GRAP2: variants seen among roughly 807,000 people sequenced by gnomAD.
GRAP2 encodes GRB2-related adapter protein 2.
Under a neutral mutation model 43.5 loss-of-function variants are expected in GRAP2, and 31 were observed. That is an observed-to-expected ratio of 0.71 (90% confidence interval 0.54 to 0.96). The LOEUF is 0.96. Ranked by LOEUF, GRAP2 falls within the 40% of genes least tolerant of loss-of-function variation. The pLI, the probability that GRAP2 is intolerant of heterozygous loss-of-function variation, is 0.00. For synonymous variants in GRAP2, 156 were observed against 164.8 expected, an observed-to-expected ratio of 0.95 and a Z score of 0.41; for missense variants, 371 against 424.4, an observed-to-expected ratio of 0.87 and a Z score of 1.11.
chr22:39,969,416 C>T lies in GRAP2; in HGVS notation c.696C>T (p.Arg232=). The change falls in exon 7 of 8, where the codon CGC becomes CGT. Residue 232 remains arginine, a synonymous_variant. Transcript: ENST00000344138. The part of the protein sequence containing the change: ...YLQHHHFHQE[R]RGGSLDINDG... ...CTTCTGTTGTATGTTTCTAGGAACG[C>T]CGAGGAGGCAGCCTTGACATAAATG... 1 of 1,613,804 alleles carries T rather than the reference C, an allele frequency of 6.2e-7. No individual in the cohort carries two copies. Among genetic ancestry groups the T allele is most frequent in the Non-Finnish European group, 8.5e-7 (1 of 1,179,834 alleles).
chr22:39,898,693 A>G (rs1341420877), upstream of GRAP2, among the ~76,000 whole-genome samples: 2 of 152,094 alleles, frequency 1.3e-5, no homozygotes, highest in African/African-American at 2.4e-5. Context: ...GGTGCCTGCA[A>G]TCCCAGCTAC....
intron 1 of GRAP2, among the ~76,000 whole-genome samples, chr22:39,919,202 AGTG>A (rs1736004676): frequency 2.0e-5 from 3 of 152,258 alleles, no homozygotes; most frequent in Non-Finnish European, 4.4e-5. Flanking sequence ...TTACCCCAAA[AGTG>A]GTGATTTTAT....
intron 2 of GRAP2, among the ~76,000 whole-genome samples, chr22:39,951,752 G>A (rs1443031007): frequency 1.3e-5 from 2 of 152,120 alleles, no homozygotes; most frequent in African/African-American, 2.4e-5. Context: ...ACAACGGCAG[G>A]AGGAAACCAT....
chr22:39,948,833 G>A (rs1419695430), intron 2 of GRAP2, among the ~76,000 whole-genome samples: 1 of 152,106 alleles, frequency 6.6e-6, no homozygotes, highest in Admixed American at 6.5e-5. Context: ...CACCCTCTCC[G>A]GGTTCTTCTC....
At chr22:39,942,221 T>C (rs185618864) in intron 1 of GRAP2, among the ~76,000 whole-genome samples, 11 of 152,282 alleles carry the variant, frequency 7.2e-5, no homozygotes, top group Non-Finnish European at 1.5e-4. Flanking sequence ...CCTGGCAGTA[T>C]AAGGTTTCCT....
At position 39,928,065 on chromosome 22, in the gene GRAP2, A is replaced by G. The variant is rs188579268; in HGVS notation, c.-14-19028A>G. Among the ~76,000 whole-genome samples, 6 of 151,978 alleles carry G rather than the reference A, an allele frequency of 3.9e-5. No homozygotes were observed. The East Asian group carries it at 1.2e-3, about 29-fold the overall frequency. Reference sequence around the variant, plus strand: ...CATGTTCCTGCCTCTTTCTGCGACCATTTTCCTCCTTCGGCTGCTCAGAAA... The same window carrying G: ...CATGTTCCTGCCTCTTTCTGCGACCGTTTTCCTCCTTCGGCTGCTCAGAAA... On this transcript the variant is annotated intron_variant, in intron 1 of 7. Transcript: ENST00000344138.
rs2066491012 is a variant in GRAP2 at position 39,901,288 on chromosome 22, T to C, written c.-57T>C. 1 of 1,282,536 alleles carries C rather than the reference T, an allele frequency of 7.8e-7. No individual in the cohort carries two copies. The highest frequency in any genetic ancestry group is 1.0e-6 in the Non-Finnish European group (1 of 982,704). The allele number at this position is 1,282,536 out of a possible 1,614,324, so 79.4% of individuals were successfully genotyped here. A position where few individuals can be genotyped will look rare whatever the true frequency, so the allele number is the denominator to read the frequency against. On this transcript the variant is annotated 5_prime_UTR_variant, in exon 1 of 8. Transcript: ENST00000344138. ...GCCAGAAAGGATTCTAATAACTCGGTGTCAAAGCCAAGACATAAACTCAAC... is the reference window on the plus strand; with the variant it reads ...GCCAGAAAGGATTCTAATAACTCGGCGTCAAAGCCAAGACATAAACTCAAC...
chr22:39,907,404 CTG>C, intron 1 of GRAP2, among the ~76,000 whole-genome samples: 1 of 152,170 alleles, frequency 6.6e-6, no homozygotes, highest in African/African-American at 2.4e-5. Flanking sequence ...CCCATATATC[CTG>C]AATAGGAAAA....
intron 4 of GRAP2, chr22:39,964,374 C>T: frequency 2.7e-6 from 2 of 731,668 alleles, no homozygotes; most frequent in Non-Finnish European, 4.9e-6. Flanking sequence ...CGGCAGGCGC[C>T]ATGTCCAGCC....
At position 39,955,870 on chromosome 22, in the gene GRAP2, G is replaced by T; in HGVS notation, c.130G>T (p.Gly44Ter). 1 of 1,589,426 alleles carries T rather than the reference G, an allele frequency of 6.3e-7. No individual in the cohort carries two copies. Among genetic ancestry groups the T allele is most frequent in the South Asian group, 1.1e-5 (1 of 90,628 alleles). Residue 44 changes from glycine to a stop codon, truncating the protein, a stop_gained, in exon 3 of 8, where the codon GGA becomes TGA. Transcript: ENST00000344138. LOFTEE classifies it high-confidence loss of function. Reference sequence around the variant, plus strand: ...TAAGGCGGAGCTTGGGAGCCAGGAAGGATATGTGCCCAAGAATTTCATAGA... The same window carrying T: ...TAAGGCGGAGCTTGGGAGCCAGGAATGATATGTGCCCAAGAATTTCATAGA... The part of the protein sequence containing the change: ...WFKAELGSQE[G>*]YVPKNFIDIQ...
intron 4 of GRAP2, among the ~76,000 whole-genome samples, chr22:39,962,298 T>C (rs1353654057): frequency 6.6e-6 from 1 of 151,880 alleles, no homozygotes; most frequent in Non-Finnish European, 1.5e-5. Flanking sequence ...GGCGCATGCC[T>C]GTGGTCCCAA....
intron 1 of GRAP2, among the ~76,000 whole-genome samples, chr22:39,932,606 T>C (rs976792616): frequency 1.4e-5 from 2 of 142,196 alleles, no homozygotes; most frequent in African/African-American, 5.3e-5. Flanking sequence ...TAGTCCCAGC[T>C]ATTTGGGAGG....
chr22:39,929,442 A>C (rs559821748), intron 1 of GRAP2, among the ~76,000 whole-genome samples: 1 of 152,356 alleles, frequency 6.6e-6, no homozygotes, highest in South Asian at 2.1e-4. Context: ...GTGGAAGAGA[A>C]GAAAGATAAT....
At position 39,968,235 on chromosome 22, in the gene GRAP2, C is replaced by A; in HGVS notation, c.653C>A (p.Pro218Gln). 2 of 1,603,108 alleles carry A rather than the reference C, an allele frequency of 1.2e-6. No individual in the cohort carries two copies. Among genetic ancestry groups the A allele is most frequent in the African/African-American group, 1.3e-5 (1 of 74,782 alleles). The change falls in exon 6 of 8, where the codon CCA (proline) becomes CAA (glutamine). Residue 218 changes from proline (P) to glutamine (Q), a missense_variant. Transcript: ENST00000344138. ...APAPQQLQQP[P>Q]QQRYLQHHHF... ...GCGCCCCAGCAGCTGCAGCAGCCCC[C>A]ACAGCAGCGATATCTGCAGCACCAC...
intron 1 of GRAP2, among the ~76,000 whole-genome samples, chr22:39,944,008 G>C (rs893927003): frequency 3.9e-5 from 6 of 152,060 alleles, no homozygotes; most frequent in Non-Finnish European, 8.8e-5. Flanking sequence ...CCTGGCCGAG[G>C]GGTCTCTCTT....
chr22:39,923,776 A>G (rs1168135176), intron 1 of GRAP2, among the ~76,000 whole-genome samples: 1 of 152,232 alleles, frequency 6.6e-6, no homozygotes, highest in African/African-American at 2.4e-5. Context: ...TTTAAAAGCT[A>G]CTTTTCTCCC....
At chr22:39,898,489 A>G (rs1001880623), upstream of GRAP2, among the ~76,000 whole-genome samples, 9 of 152,208 alleles carry the variant, frequency 5.9e-5, no homozygotes, top group African/African-American at 1.9e-4. Context: ...ATTTTACCAT[A>G]AAGTTAAATT....
Position 39,966,017 on chromosome 22 carries a change from G to A in GRAP2, c.318G>A (p.Lys106=), listed in dbSNP as rs745674279. 18 of 1,614,000 alleles carry A rather than the reference G, an allele frequency of 1.1e-5. No homozygotes were observed. Among genetic ancestry groups the A allele is most frequent in the Non-Finnish European group, 1.4e-5 (17 of 1,179,978 alleles). ...VRHEDDVQHF[K]VMRDNKGNYF... is the part of the protein sequence containing the mutation. ...ATGAGGATGACGTTCAACACTTCAA[G>A]GTCATGCGAGACAACAAGGGTAATT... Residue 106 remains lysine, a synonymous_variant, in exon 5 of 8, where the codon AAG becomes AAA. Transcript: ENST00000344138.
chr22:39,920,160 G>C (rs966325221), intron 1 of GRAP2, among the ~76,000 whole-genome samples: 6 of 152,186 alleles, frequency 3.9e-5, no homozygotes, highest in African/African-American at 1.4e-4. Flanking sequence ...AGAACAAAGA[G>C]TGGGCTTGTC....
Sources: gnomAD v4.1 joint callset for allele counts (sites outside exome capture counted in the v4.1 genomes callset) on GRCh38, gnomAD v4.1.1 for gene constraint, MANE v1.5 for transcripts, NCBI Gene and HGNC (gene_info 2026-07-23, HGNC 2026-07-21) for gene names.